PCDH9: variants seen among roughly 807,000 people sequenced by gnomAD.
PCDH9 encodes protocadherin-9.
In PCDH9, 24 loss-of-function variants were observed where a neutral mutation model predicts 70.6. The ratio of observed to expected loss-of-function variants is 0.34; its 90% CI spans 0.25 to 0.48. PCDH9 has a LOEUF of 0.48. Ranked by LOEUF, PCDH9 falls within the 20% of genes least tolerant of loss-of-function variation. The pLI is 0.99. For synonymous variants in PCDH9, 562 were observed against 558.5 expected (o/e 1.01, Z -0.09); for missense variants, 1,281 against 1,503.6 (o/e 0.85, Z 2.45).
intron 4 of PCDH9, among the ~76,000 whole-genome samples, chr13:66,368,024 T>C (rs112771521): frequency 0.016 from 2,360 of 152,100 alleles, 57 homozygotes; most frequent in African/African-American, 0.055. Context: ...GAAACACAAA[T>C]TGAACATTTA....
chr13:66,475,402 T>C (rs1482560739), intron 4 of PCDH9, among the ~76,000 whole-genome samples: 2 of 152,130 alleles, frequency 1.3e-5, no homozygotes, highest in East Asian at 1.9e-4. Context: ...CTACATACTA[T>C]TCAATTCATA....
intron 2 of PCDH9, among the ~76,000 whole-genome samples, chr13:67,080,660 A>T (rs1376992105): frequency 6.6e-6 from 1 of 152,220 alleles, no homozygotes. Flanking sequence ...AAAATCAATA[A>T]AACAATTTGC....
At chr13:66,363,123 G>A (rs1956499118) in intron 4 of PCDH9, among the ~76,000 whole-genome samples, 1 of 152,118 alleles carries the variant, frequency 6.6e-6, no homozygotes, top group South Asian at 2.1e-4. Flanking sequence ...AAGTTGCAGT[G>A]AGCTGAGATT....
At chr13:66,654,316 G>A (rs1014190928) in intron 3 of PCDH9, among the ~76,000 whole-genome samples, 2 of 152,110 alleles carry the variant, frequency 1.3e-5, no homozygotes, top group African/African-American at 4.8e-5. Context: ...CCAGGGGCTG[G>A]TAAGGGTAGT....
At chr13:66,397,255 CAA>C (rs1191902980) in intron 4 of PCDH9, among the ~76,000 whole-genome samples, 4 of 151,858 alleles carry the variant, frequency 2.6e-5, no homozygotes, top group African/African-American at 7.3e-5. Flanking sequence ...ACAGTCTCTA[CAA>C]AAAAATTTAA....
intron 3 of PCDH9, among the ~76,000 whole-genome samples, chr13:66,685,574 G>A (rs909287695): frequency 2.0e-5 from 3 of 152,198 alleles, no homozygotes; most frequent in African/African-American, 7.2e-5. Flanking sequence ...GATGTGAGAA[G>A]AGGGCCACTG....
At chr13:66,505,323 G>T (rs1324284623) in intron 4 of PCDH9, among the ~76,000 whole-genome samples, 2 of 152,180 alleles carry the variant, frequency 1.3e-5, no homozygotes, top group Non-Finnish European at 2.9e-5. Flanking sequence ...ATGATGGAAG[G>T]TGAATGAGAG....
chr13:66,731,348 G>T (rs1593968260), intron 3 of PCDH9, among the ~76,000 whole-genome samples: 1 of 152,034 alleles, frequency 6.6e-6, no homozygotes, highest in South Asian at 2.1e-4. Flanking sequence ...GCATGAATAT[G>T]GTTCTAATGA....
chr13:66,995,524 TA>T (rs1719884773), intron 2 of PCDH9, among the ~76,000 whole-genome samples: 1 of 152,162 alleles, frequency 6.6e-6, no homozygotes, highest in African/African-American at 2.4e-5. Context: ...GGAACAGCTG[TA>T]ACCAATTTTC....
chr13:67,228,141 G>T lies in PCDH9; in HGVS notation c.300C>A (p.Gly100=). 1 of 1,614,034 alleles carries T rather than the reference G, an allele frequency of 6.2e-7. No homozygotes were observed. The highest frequency in any genetic ancestry group is 8.5e-7 in the Non-Finnish European group (1 of 1,179,954). ...ACTCATTCTCCTCAGCATATGAGGC[G>T]CCAGCACAGAGTTTTTCTCTGTCTA... is the stretch of plus-strand genomic sequence containing the variant. ...NRIDREKLCA[G]ASYAEENECF... is the part of the protein sequence containing the mutation. Residue 100 remains glycine, a synonymous_variant, in exon 2 of 5, where the codon GGC becomes GGA. Coordinates refer to ENST00000377865, the MANE Select transcript of PCDH9 (RefSeq NM_203487.3).
chr13:66,465,325 C>A (rs1555296420), intron 4 of PCDH9, among the ~76,000 whole-genome samples: 1 of 150,614 alleles, frequency 6.6e-6, no homozygotes, highest in Non-Finnish European at 1.5e-5. Flanking sequence ...TTTTGAGGGT[C>A]AAAAAAAATG....
intron 2 of PCDH9, among the ~76,000 whole-genome samples, chr13:67,026,959 G>C (rs2084794789): frequency 6.6e-6 from 1 of 152,206 alleles, no homozygotes; most frequent in African/African-American, 2.4e-5. Context: ...TGGGTAGGAA[G>C]AATCAATATC....
intron 4 of PCDH9, among the ~76,000 whole-genome samples, chr13:66,440,879 A>G (rs1957960968): frequency 6.6e-6 from 1 of 152,074 alleles, no homozygotes; most frequent in Non-Finnish European, 1.5e-5. Flanking sequence ...CAGAGACTGT[A>G]CCTGTCTTGT....
intron 2 of PCDH9, among the ~76,000 whole-genome samples, chr13:67,069,920 A>G (rs1031348823): frequency 2.6e-5 from 4 of 151,904 alleles, no homozygotes; most frequent in Non-Finnish European, 5.9e-5. Flanking sequence ...TTTGTGTCAC[A>G]TCAAGGAAAA....
intron 2 of PCDH9, among the ~76,000 whole-genome samples, chr13:66,958,656 T>C (rs2083299041): frequency 6.6e-6 from 1 of 152,158 alleles, no homozygotes; most frequent in Admixed American, 6.5e-5. Context: ...TTGATGTAAT[T>C]TTTTTTAAGT....
At chr13:66,972,077 G>A (rs952584414) in intron 2 of PCDH9, among the ~76,000 whole-genome samples, 1 of 151,902 alleles carries the variant, frequency 6.6e-6, no homozygotes, top group Non-Finnish European at 1.5e-5. Context: ...ATAACTGTTT[G>A]CATCTGAATC....
At chr13:66,455,993 A>G (rs1190661026) in intron 4 of PCDH9, among the ~76,000 whole-genome samples, 2 of 152,154 alleles carry the variant, frequency 1.3e-5, no homozygotes, top group East Asian at 3.9e-4. Context: ...ATGAATATAT[A>G]TTCATTTATC....
chr13:66,834,803 C>A (rs1264267670), intron 3 of PCDH9, among the ~76,000 whole-genome samples: 1 of 152,196 alleles, frequency 6.6e-6, no homozygotes, highest in Non-Finnish European at 1.5e-5. Flanking sequence ...AGTGAAGCTT[C>A]CTACTGATCC....
chr13:66,973,544 C>T (rs1482252444), intron 2 of PCDH9, among the ~76,000 whole-genome samples: 1 of 151,890 alleles, frequency 6.6e-6, no homozygotes, highest in East Asian at 1.9e-4. Flanking sequence ...TTTCAAAATA[C>T]TTTGATCATG....
Sources: allele counts gnomAD v4.1 joint callset (sites outside exome capture counted in the v4.1 genomes callset), GRCh38; gene constraint gnomAD v4.1.1; transcripts MANE v1.5; gene names NCBI Gene and HGNC (gene_info 2026-07-23, HGNC 2026-07-21).